Variants in NBN observed in about 807,000 individuals in gnomAD.
The protein encoded by NBN is Nijmegen breakage syndrome 1 (nibrin).
A neutral mutation model predicts 90.8 loss-of-function variants in NBN; 88 were observed. That is an observed-to-expected ratio of 0.97 (90% confidence interval 0.82 to 1.16). The LOEUF (loss-of-function observed/expected upper bound fraction) is 1.16, where lower values mean the gene tolerates loss of function less well. NBN is among the 50% of genes most tolerant of loss of function. The pLI, the probability that NBN is intolerant of heterozygous loss-of-function variation, is 0.00. For synonymous variants in NBN, 328 were observed against 295.1 expected (o/e 1.11, Z -1.14); for missense variants, 894 against 869.6 (o/e 1.03, Z -0.35).
rs147755036 is a variant in NBN, at chr8:89,968,257, C to T, written c.896+2107G>A. Among the ~76,000 whole-genome samples the T allele has an allele frequency of 2.1e-3, 319 of 152,102 alleles. 2 individuals are homozygous for T. Among genetic ancestry groups the T allele is most frequent in the African/African-American group, 7.0e-3 (290 of 41,514 alleles). ...CTGGAGTGAAACCATGTCTCAACAT[C>T]CCCCCACCAAAAACCCAAAAAACCA... is the stretch of plus-strand genomic sequence containing the variant. On this transcript the variant is annotated intron_variant, in intron 7 of 15. Coordinates refer to ENST00000265433, the MANE Select transcript of NBN (RefSeq NM_002485.5).
In NBN at chr8:89,981,399, A is replaced by G; in HGVS notation, c.296T>C (p.Phe99Ser). 1.2e-6 allele frequency: 2 copies of G among 1,614,088 alleles called. No homozygotes were observed. The highest frequency in any genetic ancestry group is 1.7e-6 in the Non-Finnish European group (2 of 1,179,980). Residue 99 changes from phenylalanine to serine, a missense_variant, in exon 3 of 16, where the codon TTT becomes TCT. Transcript: ENST00000265433. ...CCTGAATTTACTTCCAAACACTCCA[A>G]AAGTAATACCATCCCCCGACTTCAA... ...RTLKSGDGIT[F>S]GVFGSKFRIE...
At position 89,977,064 on chromosome 8, in the gene NBN, T is replaced by A. The variant is rs561301003; in HGVS notation, c.584+1156A>T. Among the ~76,000 whole-genome samples, 9 of 152,254 alleles carry A rather than the reference T, an allele frequency of 5.9e-5. No homozygotes were observed. In the South Asian group the frequency reaches 1.2e-3, roughly 21 times the overall value. On this transcript the variant is annotated intron_variant, in intron 5 of 15. Transcript: ENST00000265433. ...GGCATAACATTTAAAATTTTTTTTT[T>A]AATGTTACTTTAAGTTCTGGGATAC... is the stretch of plus-strand genomic sequence containing the variant.
At chr8:89,966,523 TA>T (rs1811261716) in intron 7 of NBN, among the ~76,000 whole-genome samples, 1 of 152,162 alleles carries the variant, frequency 6.6e-6, no homozygotes, top group Non-Finnish European at 1.5e-5. Context: ...ACAGAAAATA[TA>T]AAATTCTATT....
intron 11 of NBN, among the ~76,000 whole-genome samples, chr8:89,950,258 C>T (rs542729494): frequency 6.6e-6 from 1 of 152,250 alleles, no homozygotes; most frequent in East Asian, 1.9e-4. Flanking sequence ...CACCAAAATC[C>T]ATGGATGCTC....
intron 7 of NBN, among the ~76,000 whole-genome samples, chr8:89,965,666 T>C (rs1195598352): frequency 6.6e-6 from 1 of 152,040 alleles, no homozygotes; most frequent in African/African-American, 2.4e-5. Context: ...ATTTTTGTAT[T>C]TTTAGTAGAG....
intron 5 of NBN, among the ~76,000 whole-genome samples, chr8:89,976,114 TC>T (rs1811742871): frequency 6.6e-6 from 1 of 152,024 alleles, no homozygotes; most frequent in Non-Finnish European, 1.5e-5. Flanking sequence ...GCCTCAGTCT[TC>T]CAAGCAGCTG....
At chr8:89,949,291 A>G (rs1554557209) in intron 11 of NBN, among the ~76,000 whole-genome samples, 1 of 152,240 alleles carries the variant, frequency 6.6e-6, no homozygotes, top group Non-Finnish European at 1.5e-5. Flanking sequence ...TAATTGCTGC[A>G]TTGTAGGGTT....
rs71560248 is a variant in NBN, at chr8:89,956,197, G to GAA, written c.1125-644_1125-643dup. Among the ~76,000 whole-genome samples the GAA allele has an allele frequency of 1.0e-3, 146 of 141,118 alleles. 3 individuals are homozygous for GAA. Among genetic ancestry groups the GAA allele is most frequent in the Admixed American group, 3.3e-3 (46 of 14,120 alleles). 92.6% of individuals were successfully genotyped at this position (141,118 alleles called of 152,430 possible). A position where few individuals can be genotyped will look rare whatever the true frequency, so the allele number is the denominator to read the frequency against. ...CTGCCTTTGCTATTCTTATTTTACA[G>GAA]AAAAAAAAAAAACAAAAACAAGAGG... is the stretch of plus-strand genomic sequence containing the variant. On this transcript the variant is annotated intron_variant, in intron 9 of 15. Transcript: ENST00000265433.
At chr8:89,960,044 C>T (rs1322443935) in intron 8 of NBN, among the ~76,000 whole-genome samples, 1 of 152,142 alleles carries the variant, frequency 6.6e-6, no homozygotes, top group Non-Finnish European at 1.5e-5. Context: ...TTCTGTATCA[C>T]CAGTACCTAG....
intron 6 of NBN, 22 bp from the exon 7 acceptor site, chr8:89,970,579 T>C: frequency 6.2e-7 from 1 of 1,605,962 alleles, no homozygotes; most frequent in Non-Finnish European, 8.5e-7. Context: ...AGGAAACATT[T>C]TTTAAAGTAA....
At chr8:89,956,848 T>C (rs1308776273) in intron 9 of NBN, among the ~76,000 whole-genome samples, 1 of 152,206 alleles carries the variant, frequency 6.6e-6, no homozygotes, top group Admixed American at 6.5e-5. Flanking sequence ...CTGCAACATA[T>C]GATGCTGGTC....
chr8:89,953,565 T>A lies in NBN; in HGVS notation c.1524A>T (p.Leu508=), dbSNP rs1266314359. The change falls in exon 11 of 16, where the codon CTA becomes CTT. Residue 508 remains leucine (L), a synonymous_variant. Transcript: ENST00000265433. ...TTGTGTCCACAGGCTCATTCTCAGATAGATGCTGCTCCTTATTTTTCCACA... is the reference window on the plus strand; with the variant it reads ...TTGTGTCCACAGGCTCATTCTCAGAAAGATGCTGCTCCTTATTTTTCCACA... ...PSLWKNKEQH[L]SENEPVDTNS... 6.2e-7 allele frequency: 1 copy of A among 1,613,856 alleles called. No homozygotes were observed. Among genetic ancestry groups the A allele is most frequent in the South Asian group, 1.1e-5 (1 of 91,076 alleles).
chr8:89,941,078 T>C (rs958484548), intron 14 of NBN, among the ~76,000 whole-genome samples: 4 of 152,106 alleles, frequency 2.6e-5, no homozygotes, highest in African/African-American at 9.7e-5. Flanking sequence ...AAAAAATAGA[T>C]GTGGACGACA....
At chr8:89,981,952 C>A (rs1369506999) in intron 2 of NBN, 24 of 1,181,178 alleles carry the variant, frequency 2.0e-5, no homozygotes, top group Non-Finnish European at 2.6e-5. Flanking sequence ...TTCTGACTTA[C>A]AGTAACAATT....
rs746998810 is a variant in NBN at position 89,933,657 on chromosome 8, A to G, written c.*1925T>C. ...AGGTAGATCACAAATATAAAAATAT[A>G]AAGTTTATATAATAGAGCAGAATAT... On this transcript the variant is annotated 3_prime_UTR_variant, in exon 16 of 16. Coordinates refer to ENST00000265433, the MANE Select transcript of NBN (RefSeq NM_002485.5). 6.5e-5 allele frequency: 15 copies of G among 232,390 alleles called. No individual in the cohort carries two copies. The highest frequency in any genetic ancestry group is 1.3e-3 in the Middle Eastern group (1 of 778). 14.4% of individuals were successfully genotyped at this position (232,390 alleles called of 1,614,324 possible). A position where few individuals can be genotyped will look rare whatever the true frequency, so the allele number is the denominator to read the frequency against.
In NBN at chr8:89,946,621, CTTA is replaced by C. The variant is rs1404420583; in HGVS notation, c.1915-329_1915-327del. 6 of 276,456 alleles carry C rather than the reference CTTA, an allele frequency of 2.2e-5. No individual in the cohort carries two copies. In the East Asian group the frequency reaches 5.1e-4, roughly 23 times the overall value. The allele number at this position is 276,456 out of a possible 1,614,324, so 17.1% of individuals were successfully genotyped here. A position where few individuals can be genotyped will look rare whatever the true frequency, so the allele number is the denominator to read the frequency against. The stretch of plus-strand genomic sequence containing the variant: ...AAACAATTTACCTCCAGATATATAT[CTTA>C]TTGACACAAAATCTCAGCACTGTTT... On this transcript the variant is annotated intron_variant, in intron 12 of 15. Coordinates refer to ENST00000265433, the MANE Select transcript of NBN (RefSeq NM_002485.5).
chr8:89,981,899 G>A, intron 2 of NBN: 1 of 810,894 alleles, frequency 1.2e-6, no homozygotes, highest in African/African-American at 1.8e-5. Context: ...AAACCACATT[G>A]TAAAAATTAG....
At chr8:89,961,327 C>T (rs546182089) in intron 8 of NBN, among the ~76,000 whole-genome samples, 125 of 152,280 alleles carry the variant, frequency 8.2e-4, no homozygotes, top group African/African-American at 2.8e-3. Flanking sequence ...AAACAAGTAC[C>T]GTGCTTGCTG....
chr8:89,976,193 C>T (rs545648826), intron 5 of NBN, among the ~76,000 whole-genome samples: 4 of 152,208 alleles, frequency 2.6e-5, no homozygotes, highest in South Asian at 2.1e-4. Flanking sequence ...CCACTGGTCT[C>T]GAACTCCTGA....
Sources: allele counts gnomAD v4.1 joint callset (sites outside exome capture counted in the v4.1 genomes callset), GRCh38; gene constraint gnomAD v4.1.1; transcripts MANE v1.5; gene names NCBI Gene and HGNC (gene_info 2026-07-23, HGNC 2026-07-21).